DIO2: variants seen among roughly 807,000 people sequenced by gnomAD.
The protein encoded by DIO2 is iodothyronine deiodinase 2.
A neutral mutation model predicts 21.4 loss-of-function variants in DIO2; 19 were observed. That is an observed-to-expected ratio of 0.89 (90% confidence interval 0.62 to 1.30). DIO2 has a LOEUF of 1.30. Ranked by LOEUF, DIO2 falls within the 50% of genes most tolerant of loss-of-function variation. The pLI, the probability that DIO2 is intolerant of heterozygous loss-of-function variation, is 0.00. For synonymous variants in DIO2, 122 were observed against 132.9 expected (o/e 0.92, Z 0.57); for missense variants, 302 against 338.1 (o/e 0.89, Z 0.84).
chr14:80,230,021 G>A (rs1305140117), intron 2 of DIO2, among the ~76,000 whole-genome samples: 2 of 152,074 alleles, frequency 1.3e-5, no homozygotes, highest in African/African-American at 4.8e-5. Context: ...GAGAATCAAC[G>A]TTATTTTTCC....
chr14:80,200,464 A>G lies in DIO2; in HGVS notation c.*2225T>C, dbSNP rs1335061000. 6.6e-6 allele frequency: 1 copy of G among 152,564 alleles called. No homozygotes were observed. Among genetic ancestry groups the G allele is most frequent in the African/African-American group, 2.4e-5 (1 of 41,444 alleles). The allele number at this position is 152,564 out of a possible 1,614,324, so 9.5% of individuals were successfully genotyped here. On this transcript the variant is annotated 3_prime_UTR_variant, in exon 2 of 2. Coordinates refer to ENST00000438257, the MANE Select transcript of DIO2 (RefSeq NM_013989.5). ...ATCTGACATACTGTTACTTTATCGT[A>G]CATAGAGAAAAAAGGGGAATTTTAA...
chr14:80,230,822 A>T (rs1888671633), intron 2 of DIO2: 1 of 152,220 alleles, frequency 6.6e-6, no homozygotes, highest in Admixed American at 6.5e-5. Flanking sequence ...CACTCCTGGT[A>T]CCAAAATCTG....
intron 2 of DIO2, among the ~76,000 whole-genome samples, chr14:80,227,604 C>T (rs531545689): frequency 6.6e-6 from 1 of 152,320 alleles, no homozygotes; most frequent in East Asian, 1.9e-4. Context: ...TCCTACAGGC[C>T]TCTGCTGTGA....
upstream of DIO2, among the ~76,000 whole-genome samples, chr14:80,213,573 A>C (rs1489109133): frequency 1.3e-5 from 2 of 152,192 alleles, no homozygotes; most frequent in Non-Finnish European, 2.9e-5. Flanking sequence ...AGGTTCCGTG[A>C]GAGCAGGGAT....
chr14:80,202,710 C>A lies in DIO2; in HGVS notation c.801G>T (p.Lys267Asn). ...ACCTTTAACCAGCTAATCTAGTTTT[C>A]TTTCATCTCTTGCTGAAATTCTTCT... ...WLEKNFSKRU[K>N]KTRLAG Residue 267 changes from lysine to asparagine, a missense_variant, in exon 2 of 2, where the codon AAG becomes AAT. By Grantham distance (94) the Lys-to-Asn change is moderately conservative. Transcript: ENST00000438257. 6.2e-7 allele frequency: 1 copy of A among 1,613,038 alleles called. No individual in the cohort carries two copies. Among genetic ancestry groups the A allele is most frequent in the Non-Finnish European group, 8.5e-7 (1 of 1,179,434 alleles).
chr14:80,215,660 C>T (rs534953798), upstream of DIO2, among the ~76,000 whole-genome samples: 4 of 152,278 alleles, frequency 2.6e-5, no homozygotes, highest in South Asian at 6.2e-4. Context: ...CAAATAAACA[C>T]ATTATAAATC....
chr14:80,203,310 A>AAAAAAG, intron 1 of DIO2, 22 bp from the exon 2 acceptor site: 1 of 1,388,720 alleles, frequency 7.2e-7, no homozygotes, highest in Non-Finnish European at 9.5e-7. Flanking sequence ...AAAAAAAAAA[A>AAAAAAG]AGAAGAAGAA....
At chr14:80,204,166 A>G (rs978619573) in intron 1 of DIO2, among the ~76,000 whole-genome samples, 3 of 152,094 alleles carry the variant, frequency 2.0e-5, no homozygotes, top group African/African-American at 7.2e-5. Flanking sequence ...CACTGCTTAC[A>G]AGGTGGTTCT....
At chr14:80,217,965 C>T (rs1888390393) in intron 2 of DIO2, among the ~76,000 whole-genome samples, 1 of 152,148 alleles carries the variant, frequency 6.6e-6, no homozygotes, top group African/African-American at 2.4e-5. Flanking sequence ...GCCATACAGG[C>T]CCATATGACC....
intron 2 of DIO2, among the ~76,000 whole-genome samples, chr14:80,217,956 C>A (rs1741947971): frequency 6.6e-6 from 1 of 152,192 alleles, no homozygotes; most frequent in African/African-American, 2.4e-5. Context: ...ATTTCTGGGG[C>A]CATACAGGCC....
intron 1 of DIO2, among the ~76,000 whole-genome samples, chr14:80,208,035 A>G (rs1234697490): frequency 6.6e-6 from 1 of 152,230 alleles, no homozygotes; most frequent in Non-Finnish European, 1.5e-5. Flanking sequence ...TTAACCGTGC[A>G]GAAGCTAAAC....
intron 2 of DIO2, among the ~76,000 whole-genome samples, chr14:80,227,289 G>T (rs1437417949): frequency 1.3e-5 from 2 of 152,174 alleles, no homozygotes; most frequent in African/African-American, 4.8e-5. Context: ...CAGGGTGGCA[G>T]GAGTGGAGAC....
intron 2 of DIO2, among the ~76,000 whole-genome samples, chr14:80,228,289 A>G (rs1888615855): frequency 6.6e-6 from 1 of 152,230 alleles, no homozygotes; most frequent in Non-Finnish European, 1.5e-5. Flanking sequence ...ACAGGAATGG[A>G]GAAAAAGGCA....
Position 80,198,137 on chromosome 14 carries a change from T to A in DIO2, c.*4552A>T, listed in dbSNP as rs1887554912. The A allele has an allele frequency of 6.6e-6, 1 of 152,584 alleles. No homozygotes were observed. The highest frequency in any genetic ancestry group is 2.1e-4 in the South Asian group (1 of 4,828). 9.5% of individuals were successfully genotyped at this position (152,584 alleles called of 1,614,324 possible). ...TTCATTTATGTGTTTACCTGTTGGC[T>A]TTTTGAGGGGAGGGGGAGAAGTGGA... On this transcript the variant is annotated 3_prime_UTR_variant, in exon 2 of 2. Transcript: ENST00000438257.
Position 80,208,992 on chromosome 14 carries a change from A to T in DIO2, c.222+2259T>A, listed in dbSNP as rs913660944. Among the ~76,000 whole-genome samples, 3 of 152,314 alleles carry T rather than the reference A, an allele frequency of 2.0e-5. No homozygotes were observed. In the East Asian group the frequency reaches 5.8e-4, roughly 29 times the overall value. On this transcript the variant is annotated intron_variant, in intron 1 of 1. Transcript: ENST00000438257. ...AGTCGTGAACTTGGTCACTAATCAAATCAGTAGGCAGGGACAAAGAAATAC... is the reference window on the plus strand; with the variant it reads ...AGTCGTGAACTTGGTCACTAATCAATTCAGTAGGCAGGGACAAAGAAATAC...
Position 80,201,870 on chromosome 14 carries a change from C to A in DIO2, c.*819G>T, listed in dbSNP as rs1174905291. ...GCCACTTTTAGTTGAGCTCCTTCTT[C>A]TTTTTCTGGCCTTGTGTATGTTTCT... is the stretch of plus-strand genomic sequence containing the variant. On this transcript the variant is annotated 3_prime_UTR_variant, in exon 2 of 2. Coordinates refer to ENST00000438257, the MANE Select transcript of DIO2 (RefSeq NM_013989.5). 6.5e-6 allele frequency: 1 copy of A among 153,184 alleles called. No individual in the cohort carries two copies. The highest frequency in any genetic ancestry group is 2.4e-5 in the African/African-American group (1 of 41,362). 9.5% of individuals were successfully genotyped at this position (153,184 alleles called of 1,614,324 possible).
intron 1 of DIO2, among the ~76,000 whole-genome samples, chr14:80,203,511 T>C (rs1887830760): frequency 6.6e-6 from 1 of 152,216 alleles, no homozygotes; most frequent in Non-Finnish European, 1.5e-5. Context: ...TTTCATTCTG[T>C]ATAGTCACTG....
chr14:80,218,838 C>T lies in DIO2; in HGVS notation c.-277-2101G>A, dbSNP rs143134365. Among the ~76,000 whole-genome samples the T allele has an allele frequency of 4.0e-3, 615 of 152,044 alleles. 6 individuals are homozygous for T. The highest frequency in any genetic ancestry group is 0.013 in the African/African-American group (559 of 41,460). On this transcript the variant is annotated intron_variant, in intron 2 of 4. Coordinates refer to the DIO2 transcript ENST00000553594. ...ACTTAAAATACAAAAATTAGCATGG[C>T]GTGGTGGTGCATGCCTGTAACCTCA...
Position 80,199,407 on chromosome 14 carries a change from G to A in DIO2, c.*3282C>T, listed in dbSNP as rs1321956386. 6.6e-6 allele frequency: 1 copy of A among 152,160 alleles called. No homozygotes were observed. The highest frequency in any genetic ancestry group is 2.4e-5 in the African/African-American group (1 of 41,402). The allele number at this position is 152,160 out of a possible 1,614,324, so 9.4% of individuals were successfully genotyped here. On this transcript the variant is annotated 3_prime_UTR_variant, in exon 2 of 2. Transcript: ENST00000438257. ...GTGCTATAAATGAGGTGAAGACACA[G>A]GACCAGAGACCCAATGTGAAAAAAG...
Sources: gnomAD v4.1 joint callset for allele counts (sites outside exome capture counted in the v4.1 genomes callset) on GRCh38, gnomAD v4.1.1 for gene constraint, MANE v1.5 for transcripts, NCBI Gene and HGNC (gene_info 2026-07-23, HGNC 2026-07-21) for gene names.